The following NECAB1 variants were observed in gnomAD, a reference collection of about 807,000 sequenced individuals.
NECAB1 encodes N-terminal EF-hand calcium binding protein 1, also known as N-terminal EF-hand calcium-binding protein 1.
A neutral mutation model predicts 57.5 loss-of-function variants in NECAB1; 29 were observed. The observed-to-expected ratio is 0.50, with a 90% CI of 0.38 to 0.69. The LOEUF (loss-of-function observed/expected upper bound fraction) is 0.69. NECAB1 is among the 30% of genes least tolerant of loss of function. NECAB1 has a pLI of 0.00. For missense variants in NECAB1, 372 were observed against 413.8 expected (o/e 0.90, Z 0.88); for synonymous variants, 142 against 147.7 (o/e 0.96, Z 0.28).
At chr8:90,875,774 A>G (rs1808713837) in intron 4 of NECAB1, among the ~76,000 whole-genome samples, 1 of 150,410 alleles carries the variant, frequency 6.6e-6, no homozygotes, top group African/African-American at 2.5e-5. Context: ...GCACTTTGGG[A>G]GGCTGAGGCG....
intron 3 of NECAB1, among the ~76,000 whole-genome samples, chr8:90,868,939 G>A (rs1393346688): frequency 6.6e-6 from 1 of 152,238 alleles, no homozygotes; most frequent in African/African-American, 2.4e-5. Flanking sequence ...GGAGGCCTAG[G>A]AGGGAAAAAT....
At chr8:90,867,551 C>A (rs1808541701) in intron 3 of NECAB1, among the ~76,000 whole-genome samples, 1 of 140,456 alleles carries the variant, frequency 7.1e-6, no homozygotes. Flanking sequence ...CTATTCATTT[C>A]TATCTATCAT....
intron 3 of NECAB1, among the ~76,000 whole-genome samples, chr8:90,841,053 C>A (rs1395983544): frequency 6.6e-6 from 1 of 150,902 alleles, no homozygotes; most frequent in African/African-American, 2.4e-5. Flanking sequence ...GTCAGGAGAT[C>A]GAAAGCATCC....
chr8:90,938,750 A>G (rs1016563889), intron 9 of NECAB1, among the ~76,000 whole-genome samples: 2 of 152,112 alleles, frequency 1.3e-5, no homozygotes, highest in Non-Finnish European at 2.9e-5. Flanking sequence ...CGAGAGCTCA[A>G]TTTTTCCAAC....
chr8:90,928,352 C>T, intron 8 of NECAB1, 53 bp downstream of exon 8: 3 of 1,345,466 alleles, frequency 2.2e-6, no homozygotes, highest in Middle Eastern at 1.9e-4. Flanking sequence ...ATATTGTTAC[C>T]TAATATTCCC....
intron 1 of NECAB1, among the ~76,000 whole-genome samples, chr8:90,799,600 T>C (rs1408612508): frequency 6.6e-6 from 1 of 152,188 alleles, no homozygotes; most frequent in Non-Finnish European, 1.5e-5. Context: ...TTGATTTTGT[T>C]GAAGATCAGC....
chr8:90,927,817 A>G (rs1277624813), intron 7 of NECAB1, among the ~76,000 whole-genome samples: 1 of 134,498 alleles, frequency 7.4e-6, no homozygotes, highest in Non-Finnish European at 1.6e-5. Context: ...TTTTTTTTTT[A>G]TCGTAGCAAT....
intron 5 of NECAB1, among the ~76,000 whole-genome samples, chr8:90,908,722 C>G (rs1254706995): frequency 6.6e-6 from 1 of 152,126 alleles, no homozygotes; most frequent in African/African-American, 2.4e-5. Flanking sequence ...GAATCCATCA[C>G]CAAGATTTTA....
intron 3 of NECAB1, among the ~76,000 whole-genome samples, chr8:90,836,237 G>A (rs1239266546): frequency 1.3e-5 from 2 of 152,006 alleles, no homozygotes; most frequent in South Asian, 2.1e-4. Flanking sequence ...TTAAAAAGAC[G>A]CTCCAACATT....
intron 10 of NECAB1, 132 bp downstream of exon 10, chr8:90,941,030 C>T: frequency 1.5e-6 from 1 of 676,958 alleles, no homozygotes; most frequent in Non-Finnish European, 2.6e-6. Flanking sequence ...TTATACAGAG[C>T]ATTCCACCTG....
chr8:90,800,282 T>A (rs1342124134), intron 1 of NECAB1, among the ~76,000 whole-genome samples: 2 of 152,208 alleles, frequency 1.3e-5, no homozygotes, highest in African/African-American at 4.8e-5. Context: ...TTTTGCTATT[T>A]GGATGCCTTT....
chr8:90,892,273 C>T (rs1437910448), intron 5 of NECAB1, among the ~76,000 whole-genome samples: 1 of 149,790 alleles, frequency 6.7e-6, no homozygotes, highest in East Asian at 2.0e-4. Context: ...TAGGTTTTTT[C>T]TCTATTGTGG....
At chr8:90,796,311 C>T (rs951654101) in intron 1 of NECAB1, among the ~76,000 whole-genome samples, 1 of 152,150 alleles carries the variant, frequency 6.6e-6, no homozygotes, top group Non-Finnish European at 1.5e-5. Context: ...CTCCTGCCGA[C>T]CCTGTGTGGT....
chr8:90,850,203 G>A (rs1812657545), intron 3 of NECAB1, among the ~76,000 whole-genome samples: 1 of 152,162 alleles, frequency 6.6e-6, no homozygotes, highest in Non-Finnish European at 1.5e-5. Context: ...GTGGAGATAG[G>A]AAAAGACAAT....
chr8:90,879,062 T>TTATATATAATATATATTATATATATTA (rs1304829632), intron 4 of NECAB1, among the ~76,000 whole-genome samples: 1,568 of 140,136 alleles, frequency 0.011, 20 homozygotes, highest in African/African-American at 0.032. Flanking sequence ...AATATATATC[T>TTATATATAATATATATTATATATATTA]TATATATAAT....
At chr8:90,848,245 C>A (rs1703007766) in intron 3 of NECAB1, among the ~76,000 whole-genome samples, 1 of 152,176 alleles carries the variant, frequency 6.6e-6, no homozygotes, top group Admixed American at 6.5e-5. Context: ...CTACAGTTCC[C>A]AGCAAGTTCC....
chr8:90,811,620 A>G (rs2129672816), intron 2 of NECAB1, among the ~76,000 whole-genome samples: 1 of 152,328 alleles, frequency 6.6e-6, no homozygotes, highest in Non-Finnish European at 1.5e-5. Context: ...AAAACCCCCC[A>G]AATGGTAAAG....
At chr8:90,833,840 T>TA (rs757645195) in intron 3 of NECAB1, among the ~76,000 whole-genome samples, 2 of 152,126 alleles carry the variant, frequency 1.3e-5, no homozygotes, top group Non-Finnish European at 2.9e-5. Context: ...AGAAAACAGT[T>TA]ACAGTTGTTC....
chr8:90,803,671 A>G (rs1048589810), intron 2 of NECAB1, among the ~76,000 whole-genome samples: 4 of 151,968 alleles, frequency 2.6e-5, no homozygotes, highest in African/African-American at 9.7e-5. Context: ...CCTAATGTCC[A>G]TTCCAACATG....
Sources: allele counts gnomAD v4.1 joint callset (sites outside exome capture counted in the v4.1 genomes callset), GRCh38; gene constraint gnomAD v4.1.1; transcripts MANE v1.5; gene names NCBI Gene and HGNC (gene_info 2026-07-23, HGNC 2026-07-21).